The following NFATC2 variants were observed in gnomAD, a reference collection of about 807,000 sequenced individuals.
NFATC2 encodes the protein nuclear factor of activated T cells 2.
Under a neutral mutation model 87.3 loss-of-function variants are expected in NFATC2, and 22 were observed. The observed-to-expected ratio is 0.25, with a 90% CI of 0.18 to 0.36. The LOEUF (loss-of-function observed/expected upper bound fraction) is 0.36. Ranked by LOEUF, NFATC2 falls within the 10% of genes least tolerant of loss-of-function variation. The pLI is 1.00. For synonymous variants in NFATC2, 565 were observed against 542.2 expected, an observed-to-expected ratio of 1.04 and a Z score of -0.58; for missense variants, 1,149 against 1,259.1, an observed-to-expected ratio of 0.91 and a Z score of 1.32.
At chr20:51,447,365 T>C (rs1985197921) in intron 6 of NFATC2, among the ~76,000 whole-genome samples, 1 of 152,124 alleles carries the variant, frequency 6.6e-6, no homozygotes, top group African/African-American at 2.4e-5. Context: ...AGCTGAGTAA[T>C]CTGATGCAGG....
At chr20:51,516,226 T>G (rs1250687992) in intron 3 of NFATC2, among the ~76,000 whole-genome samples, 1 of 151,986 alleles carries the variant, frequency 6.6e-6, no homozygotes, top group African/African-American at 2.4e-5. Flanking sequence ...CATGGCAAAA[T>G]GTAAACTTAA....
In NFATC2 at chr20:51,409,277, C is replaced by T. The variant is rs1171232863; in HGVS notation, c.2723-10547G>A. 4.6e-5 allele frequency among the ~76,000 whole-genome samples: 7 copies of T among 151,982 alleles called. No homozygotes were observed. In the East Asian group the frequency reaches 5.8e-4, roughly 13 times the overall value. ...TCTGTGTGCAAGCACCAGGAGACAGCGAAAGAACATTCCAGACAGCACTGC... is the reference window on the plus strand; with the variant it reads ...TCTGTGTGCAAGCACCAGGAGACAGTGAAAGAACATTCCAGACAGCACTGC... On this transcript the variant is annotated intron_variant, in intron 9 of 10. Coordinates refer to ENST00000371564, the MANE Select transcript of NFATC2 (RefSeq NM_012340.5).
chr20:51,443,596 G>T (rs1984656418), intron 6 of NFATC2, among the ~76,000 whole-genome samples: 1 of 152,174 alleles, frequency 6.6e-6, no homozygotes, highest in South Asian at 2.1e-4. Flanking sequence ...AGCCCAGACA[G>T]CATTCCCAGT....
chr20:51,538,244 A>G (rs1011469276), intron 1 of NFATC2, among the ~76,000 whole-genome samples: 2 of 152,230 alleles, frequency 1.3e-5, no homozygotes, highest in African/African-American at 4.8e-5. Flanking sequence ...AGTGGAGTCC[A>G]TACCAAGGAT....
At chr20:51,397,872 A>G (rs1987422863) in intron 10 of NFATC2, among the ~76,000 whole-genome samples, 1 of 152,208 alleles carries the variant, frequency 6.6e-6, no homozygotes, top group South Asian at 2.1e-4. Context: ...ATTAAATAAC[A>G]GCAACAGCAT....
intron 9 of NFATC2, among the ~76,000 whole-genome samples, chr20:51,421,155 G>A (rs1369536408): frequency 6.6e-6 from 1 of 151,966 alleles, no homozygotes; most frequent in African/African-American, 2.4e-5. Context: ...ACAGGATGAA[G>A]GTGTAGAAGA....
At chr20:51,445,364 C>A (rs1984927378) in intron 6 of NFATC2, among the ~76,000 whole-genome samples, 1 of 152,202 alleles carries the variant, frequency 6.6e-6, no homozygotes. Flanking sequence ...GTGGCTCTCT[C>A]TTTCCCACCT....
In NFATC2 at chr20:51,411,516, C is replaced by CTTTT. The variant is rs67935951; in HGVS notation, c.2723-12790_2723-12787dup. 3.8e-4 allele frequency among the ~76,000 whole-genome samples: 33 copies of CTTTT among 87,250 alleles called. 1 individual carries two copies. The highest frequency in any genetic ancestry group is 5.1e-4 in the Non-Finnish European group (22 of 42,868). 57.2% of individuals were successfully genotyped at this position (87,250 alleles called of 152,430 possible). On this transcript the variant is annotated intron_variant, in intron 9 of 10. Transcript: ENST00000371564. ...CAAGGTCCTGAAGCAATGCAATTGT[C>CTTTT]TTTTTTTTTTTTTTTTTTTTTTTTT...
upstream of NFATC2, chr20:51,542,759 G>GGGA (rs1190677963): frequency 4.2e-6 from 1 of 237,024 alleles, no homozygotes; most frequent in Non-Finnish European, 6.1e-6. Context: ...CGGGGGGGGG[G>GGGA]GGGGCGTGGA....
At chr20:51,452,504 T>C (rs568624108) in intron 6 of NFATC2, among the ~76,000 whole-genome samples, 1 of 152,176 alleles carries the variant, frequency 6.6e-6, no homozygotes. Context: ...TCTGGTTTCT[T>C]AGTCTAGACC....
At chr20:51,433,360 G>A (rs540737804) in intron 8 of NFATC2, among the ~76,000 whole-genome samples, 23 of 152,200 alleles carry the variant, frequency 1.5e-4, no homozygotes, top group African/African-American at 5.5e-4. Flanking sequence ...GTGCTTTGGG[G>A]GAATAAGCAC....
intron 5 of NFATC2, among the ~76,000 whole-genome samples, chr20:51,468,777 C>T (rs1025935068): frequency 6.6e-6 from 1 of 152,248 alleles, no homozygotes; most frequent in Non-Finnish European, 1.5e-5. Context: ...TGTCAGAGCA[C>T]AAAGGGGGGC....
At chr20:51,488,907 A>AG (rs2075831162) in intron 3 of NFATC2, among the ~76,000 whole-genome samples, 2 of 152,226 alleles carry the variant, frequency 1.3e-5, no homozygotes, top group Non-Finnish European at 2.9e-5. Context: ...ATTACATTCA[A>AG]GCTGGGCGCA....
chr20:51,479,840 C>T (rs1239237238), intron 3 of NFATC2, among the ~76,000 whole-genome samples: 1 of 152,194 alleles, frequency 6.6e-6, no homozygotes, highest in African/African-American at 2.4e-5. Flanking sequence ...CTCCAAACTC[C>T]AGCCTCTCAG....
intron 3 of NFATC2, among the ~76,000 whole-genome samples, chr20:51,506,477 C>T (rs1450363114): frequency 1.3e-5 from 2 of 152,162 alleles, no homozygotes; most frequent in Non-Finnish European, 2.9e-5. Context: ...GAAGCCATCA[C>T]CTCCCCGTGT....
intron 3 of NFATC2, among the ~76,000 whole-genome samples, chr20:51,477,544 T>C (rs1166562597): frequency 3.9e-5 from 3 of 76,476 alleles, no homozygotes; most frequent in Admixed American, 1.1e-4. Context: ...TCTATATATA[T>C]ATATATATAT....
chr20:51,475,488 G>T lies in NFATC2; in HGVS notation c.1505C>A (p.Pro502His). Residue 502 changes from proline (P) to histidine (H), a missense_variant, in exon 4 of 11, where the codon CCC (proline) becomes CAC (histidine). Physicochemically the swap from Pro to His is moderately conservative, Grantham distance 77 (BLOSUM62 -2). Transcript: ENST00000371564. Reference protein sequence around the residue: ...IVGNTKVLEIPLEPKNNMRAT... With the variant: ...IVGNTKVLEIHLEPKNNMRAT... Reference sequence around the variant, plus strand: ...CCTCATGTTGTTTTTGGGCTCCAAGGGTATCTCCAGGACTTTGGTGTTGCC... The same window carrying T: ...CCTCATGTTGTTTTTGGGCTCCAAGTGTATCTCCAGGACTTTGGTGTTGCC... 1.2e-6 allele frequency: 2 copies of T among 1,613,908 alleles called. No individual in the cohort carries two copies. The highest frequency in any genetic ancestry group is 1.7e-6 in the Non-Finnish European group (2 of 1,180,008).
chr20:51,439,393 T>C (rs920265553), intron 6 of NFATC2, among the ~76,000 whole-genome samples: 6 of 152,194 alleles, frequency 3.9e-5, no homozygotes, highest in Non-Finnish European at 8.8e-5. Context: ...GGAAGCCGGA[T>C]TGGAACCCAG....
rs751773363 is a variant in NFATC2, at chr20:51,473,931, C to T, written c.1708+49G>A. 9.4e-6 allele frequency: 15 copies of T among 1,587,796 alleles called. No individual in the cohort carries two copies. In the South Asian group the frequency reaches 1.0e-4, roughly 11 times the overall value. ...ATACACTGCTCCCGGGGGAAGCCCA[C>T]GTGCCCTACGCTTTCTGAAGAAAGA... is the stretch of plus-strand genomic sequence containing the variant. On this transcript the variant is annotated intron_variant, in intron 5 of 10. Transcript: ENST00000371564.
Sources: gnomAD v4.1 joint callset for allele counts (sites outside exome capture counted in the v4.1 genomes callset) on GRCh38, gnomAD v4.1.1 for gene constraint, MANE v1.5 for transcripts, NCBI Gene and HGNC (gene_info 2026-07-23, HGNC 2026-07-21) for gene names.